Variants in ETF1 observed in about 807,000 individuals in gnomAD.
The protein encoded by ETF1 is eukaryotic peptide chain release factor subunit 1.
In ETF1, 4 loss-of-function variants were observed where a neutral mutation model predicts 55.1. The ratio of observed to expected loss-of-function variants is 0.07; its 90% CI spans 0.04 to 0.17. The LOEUF (loss-of-function observed/expected upper bound fraction) is 0.17. Ranked by LOEUF, ETF1 falls within the 10% of genes least tolerant of loss-of-function variation. The pLI is 1.00. For synonymous variants in ETF1, 157 were observed against 182.3 expected (o/e 0.86, Z 1.12); for missense variants, 142 against 523.6 (o/e 0.27, Z 7.11).
chr5:138,535,061 T>C (rs1381454513), intron 2 of ETF1, among the ~76,000 whole-genome samples: 2 of 150,972 alleles, frequency 1.3e-5, no homozygotes, highest in African/African-American at 4.9e-5. Flanking sequence ...AGCGATTCTC[T>C]TGCCTCAGCC....
At chr5:138,529,114 G>A (rs1170863379) in intron 2 of ETF1, among the ~76,000 whole-genome samples, 1 of 152,062 alleles carries the variant, frequency 6.6e-6, no homozygotes, top group Non-Finnish European at 1.5e-5. Flanking sequence ...GGGTGACAGA[G>A]CGAGACTCCA....
At chr5:138,533,488 C>T (rs1220465977) in intron 2 of ETF1, among the ~76,000 whole-genome samples, 1 of 152,054 alleles carries the variant, frequency 6.6e-6, no homozygotes, top group East Asian at 1.9e-4. Flanking sequence ...GAGATCGAGA[C>T]CATCCTGGCC....
intron 2 of ETF1, chr5:138,519,211 T>TG (rs1297531059): frequency 1.7e-5 from 17 of 984,804 alleles, no homozygotes; most frequent in Non-Finnish European, 2.0e-5. Flanking sequence ...AATCTGTCCG[T>TG]GGGAGAGCCT....
chr5:138,543,224 T>TG lies in ETF1; in HGVS notation c.-147dup. ...CTGCATGTGTTGCAATCCGCTCACA[T>TG]GGGGCCTGTGACATCACTTCCTCCG... is the stretch of plus-strand genomic sequence containing the variant. On this transcript the variant is annotated 5_prime_UTR_variant, in exon 1 of 11. Transcript: ENST00000360541. 3 of 453,488 alleles carry TG rather than the reference T, an allele frequency of 6.6e-6. No individual in the cohort carries two copies. The East Asian group carries it at 1.0e-4, about 16-fold the overall frequency. The allele number at this position is 453,488 out of a possible 1,614,324, so 28.1% of individuals were successfully genotyped here.
chr5:138,522,878 C>A (rs1188147591), intron 2 of ETF1, among the ~76,000 whole-genome samples: 1 of 151,734 alleles, frequency 6.6e-6, no homozygotes, highest in African/African-American at 2.4e-5. Flanking sequence ...CAGTGGCAGG[C>A]GCCTGTAGTC....
chr5:138,537,003 A>G (rs571444979), intron 2 of ETF1, among the ~76,000 whole-genome samples: 2 of 152,286 alleles, frequency 1.3e-5, no homozygotes, highest in African/African-American at 2.4e-5. Context: ...AAGCATAAGT[A>G]TATCTGCTAT....
intron 2 of ETF1, among the ~76,000 whole-genome samples, chr5:138,542,314 G>C (rs1033094430): frequency 5.9e-5 from 9 of 152,152 alleles, no homozygotes; most frequent in African/African-American, 2.2e-4. Context: ...GAGAAATCAG[G>C]AATCAGAAAG....
At chr5:138,524,711 G>A (rs1215376389) in intron 2 of ETF1, among the ~76,000 whole-genome samples, 1 of 151,006 alleles carries the variant, frequency 6.6e-6, no homozygotes, top group Non-Finnish European at 1.5e-5. Flanking sequence ...CCCAGTAGCT[G>A]GGACTACAGG....
At chr5:138,525,894 A>G (rs1429799056) in intron 2 of ETF1, among the ~76,000 whole-genome samples, 1 of 150,618 alleles carries the variant, frequency 6.6e-6, no homozygotes, top group Non-Finnish European at 1.5e-5. Context: ...TGCAGTGAGC[A>G]GAGATCACGC....
At chr5:138,510,036 G>A (rs1313208058) in intron 9 of ETF1, among the ~76,000 whole-genome samples, 12 of 149,816 alleles carry the variant, frequency 8.0e-5, no homozygotes, top group African/African-American at 3.0e-4. Context: ...TCCAGCCTGG[G>A]TGACAGACCA....
At position 138,512,973 on chromosome 5, in the gene ETF1, A is replaced by G. The variant is rs1300130927; in HGVS notation, c.542-19T>C. The G allele has an allele frequency of 1.3e-6, 2 of 1,492,510 alleles. No homozygotes were observed. Among genetic ancestry groups the G allele is most frequent in the Non-Finnish European group, 1.8e-6 (2 of 1,127,898 alleles). 92.5% of individuals were successfully genotyped at this position (1,492,510 alleles called of 1,614,324 possible). On this transcript the variant is annotated intron_variant, in intron 5 of 10. Transcript: ENST00000360541. ...CCTCTACCTTTGACACAAAAGTAGC[A>G]AGAGAAAAAGGCAATTATTAAGAAC...
chr5:138,542,796 C>G (rs1026469507), intron 2 of ETF1, 37 bp downstream of exon 2: 3 of 1,608,640 alleles, frequency 1.9e-6, no homozygotes, highest in Non-Finnish European at 1.7e-6. Context: ...GGTCCGGGAA[C>G]CAAGAGGGCA....
intron 2 of ETF1, among the ~76,000 whole-genome samples, chr5:138,521,896 G>C (rs994809943): frequency 4.6e-5 from 7 of 152,172 alleles, no homozygotes; most frequent in African/African-American, 1.4e-4. Context: ...ATTTTTTGCA[G>C]ATGAAAATCA....
intron 2 of ETF1, among the ~76,000 whole-genome samples, chr5:138,542,306 G>T (rs1169611209): frequency 6.6e-6 from 1 of 152,174 alleles, no homozygotes; most frequent in African/African-American, 2.4e-5. Context: ...AAGACCCAGA[G>T]AAATCAGGAA....
intron 2 of ETF1, among the ~76,000 whole-genome samples, chr5:138,532,059 A>AAAT (rs1554139648): frequency 4.8e-4 from 72 of 150,390 alleles, no homozygotes; most frequent in Middle Eastern, 3.4e-3. Context: ...AAAATAAAAT[A>AAAT]AAATAAATAA....
At chr5:138,511,310 A>T (rs1344046218) in intron 7 of ETF1, 110 bp from the exon 8 acceptor site, 3 of 1,526,922 alleles carry the variant, frequency 2.0e-6, no homozygotes, top group Non-Finnish European at 2.6e-6. Flanking sequence ...GCTTTTACTG[A>T]GGCAAAAGAG....
intron 2 of ETF1, chr5:138,541,488 TTATTA>T: frequency 6.9e-7 from 1 of 1,456,918 alleles, no homozygotes. Context: ...TGTCCCTAAT[TTATTA>T]AGAACAAAAC....
At chr5:138,542,792 G>A (rs779241333) in intron 2 of ETF1, 41 bp downstream of exon 2, 133 of 1,607,280 alleles carry the variant, frequency 8.3e-5, no homozygotes, top group Non-Finnish European at 1.1e-4. Flanking sequence ...GAGGGGTCCG[G>A]GAACCAAGAG....
At chr5:138,522,142 T>C (rs561017146) in intron 2 of ETF1, among the ~76,000 whole-genome samples, 1 of 152,234 alleles carries the variant, frequency 6.6e-6, no homozygotes, top group African/African-American at 2.4e-5. Flanking sequence ...ATCAACTTGC[T>C]TTCATTCTCA....
Sources: gnomAD v4.1 joint callset for allele counts (sites outside exome capture counted in the v4.1 genomes callset) on GRCh38, gnomAD v4.1.1 for gene constraint, MANE v1.5 for transcripts, NCBI Gene and HGNC (gene_info 2026-07-23, HGNC 2026-07-21) for gene names.